Variants in RASA3 observed in about 807,000 individuals in gnomAD.
RASA3 encodes the protein RAS p21 protein activator 3.
RASA3 carries 73 observed loss-of-function variants against 110.0 expected under a neutral mutation model. The observed-to-expected ratio is 0.66, with a 90% CI of 0.55 to 0.81. RASA3 has a LOEUF of 0.81. Ranked by LOEUF, RASA3 falls within the 30% of genes least tolerant of loss-of-function variation. The pLI, the probability that RASA3 is intolerant of heterozygous loss-of-function variation, is 0.00. For missense variants in RASA3, 976 were observed against 1,113.2 expected (o/e 0.88, Z 1.75); for synonymous variants, 500 against 451.4 (o/e 1.11, Z -1.37).
chr13:114,040,709 G>A (rs546259937), intron 4 of RASA3, among the ~76,000 whole-genome samples: 7 of 142,518 alleles, frequency 4.9e-5, no homozygotes, highest in African/African-American at 7.9e-5. Context: ...ATCCACACGC[G>A]GAGCCCGCGC....
chr13:114,002,156 G>C (rs1250143197), intron 18 of RASA3, among the ~76,000 whole-genome samples: 1 of 152,262 alleles, frequency 6.6e-6, no homozygotes, highest in Non-Finnish European at 1.5e-5. Flanking sequence ...AGCTGAGGAC[G>C]AGAAGCCAAG....
chr13:114,077,289 C>T (rs552380044), intron 1 of RASA3, among the ~76,000 whole-genome samples: 44 of 152,242 alleles, frequency 2.9e-4, no homozygotes, highest in Admixed American at 2.5e-3. Flanking sequence ...AGATTCATCC[C>T]TCCCTGCCTG....
intron 21 of RASA3, among the ~76,000 whole-genome samples, chr13:113,995,497 G>C (rs1261857924): frequency 6.6e-6 from 1 of 152,264 alleles, no homozygotes; most frequent in African/African-American, 2.4e-5. Flanking sequence ...ACAGCGAGGT[G>C]CATCTCACGG....
intron 4 of RASA3, among the ~76,000 whole-genome samples, chr13:114,031,907 C>T (rs560197208): frequency 1.2e-4 from 18 of 152,246 alleles, no homozygotes; most frequent in Non-Finnish European, 2.1e-4. Context: ...CCCTGCAGCA[C>T]GTGGCCTGGT....
At chr13:114,076,777 A>T (rs2079692239) in intron 1 of RASA3, among the ~76,000 whole-genome samples, 1 of 151,454 alleles carries the variant, frequency 6.6e-6, no homozygotes, top group Non-Finnish European at 1.5e-5. Context: ...AGCAAGTCGG[A>T]CAGGGGCCCC....
chr13:114,063,868 C>CA (rs2079402668), intron 2 of RASA3, among the ~76,000 whole-genome samples: 1 of 152,156 alleles, frequency 6.6e-6, no homozygotes, highest in African/African-American at 2.4e-5. Context: ...AAACCGGTGG[C>CA]AAAAACCTGC....
At chr13:114,097,072 G>T (rs928716580) in intron 1 of RASA3, among the ~76,000 whole-genome samples, 18 of 152,194 alleles carry the variant, frequency 1.2e-4, no homozygotes, top group African/African-American at 4.1e-4. Flanking sequence ...CACTGAGGCT[G>T]TGGCACTTCC....
chr13:114,066,499 C>T (rs114448313), intron 2 of RASA3, among the ~76,000 whole-genome samples: 16,301 of 152,228 alleles, frequency 0.11, 1,150 homozygotes, highest in Middle Eastern at 0.17. Context: ...CCCCTCGTGA[C>T]AGGCCCAGCC....
chr13:114,081,365 C>A (rs770036639), intron 1 of RASA3, among the ~76,000 whole-genome samples: 1 of 152,212 alleles, frequency 6.6e-6, no homozygotes, highest in South Asian at 2.1e-4. Flanking sequence ...TCTCCCGATG[C>A]AGTATAACTC....
At chr13:114,108,243 ATGTCTGTCACCCTGCATCCGTCACCCCG>A (rs1466048865) in intron 1 of RASA3, among the ~76,000 whole-genome samples, 2 of 19,566 alleles carry the variant, frequency 1.0e-4, no homozygotes, top group African/African-American at 3.4e-4. Flanking sequence ...CTGTCACCCC[ATGTCTGTCACCCTGCATCCGTCACCCCG>A]TGTCTGTCAT....
intron 3 of RASA3, among the ~76,000 whole-genome samples, chr13:114,051,775 A>C (rs2079151167): frequency 6.6e-6 from 1 of 152,190 alleles, no homozygotes; most frequent in African/African-American, 2.4e-5. Context: ...AAGTTGTCTG[A>C]AGAGGGCCAG....
rs187019065 is a variant in RASA3 at position 114,011,046 on chromosome 13, C to T, written c.1590+125G>A. Reference sequence around the variant, plus strand: ...TGGGTTTCAAGAGAGGATGTGGTGCCGGCTTTGATTCTTGATCTTTATCTT... The same window carrying T: ...TGGGTTTCAAGAGAGGATGTGGTGCTGGCTTTGATTCTTGATCTTTATCTT... On this transcript the variant is annotated intron_variant, in intron 16 of 23. Coordinates refer to ENST00000334062, the MANE Select transcript of RASA3 (RefSeq NM_007368.4). The surrounding 1 kb of genome is among the most constrained non-coding windows in gnomAD (Gnocchi z 4.8). 5.5e-4 allele frequency: 502 copies of T among 915,778 alleles called. 8 individuals are homozygous for T. In the East Asian group the frequency reaches 0.012, roughly 21 times the overall value. 56.7% of individuals were successfully genotyped at this position (915,778 alleles called of 1,614,324 possible).
At position 114,115,815 on chromosome 13, in the gene RASA3, AC is replaced by A. The variant is rs1414330553; in HGVS notation, c.55+16619del. On this transcript the variant is annotated intron_variant, in intron 1 of 23. Transcript: ENST00000334062. The surrounding 1 kb of genome is among the most constrained non-coding windows in gnomAD (Gnocchi z 5.0). ...CTCAGTCTCCTGTAACGACGTTGCT[AC>A]AGATGTATGTGTTTGTGTGAAGCTG... is the stretch of plus-strand genomic sequence containing the variant. Among the ~76,000 whole-genome samples, 2 of 152,244 alleles carry A rather than the reference AC, an allele frequency of 1.3e-5. No individual in the cohort carries two copies. Among genetic ancestry groups the A allele is most frequent in the African/African-American group, 4.8e-5 (2 of 41,468 alleles).
chr13:114,124,998 G>A (rs974949480), intron 1 of RASA3, among the ~76,000 whole-genome samples: 6 of 152,120 alleles, frequency 3.9e-5, no homozygotes. Context: ...CATCCCACAG[G>A]TAATCCAATT....
In RASA3 at chr13:114,093,448, C is replaced by T. The variant is rs185618849; in HGVS notation, c.56-19611G>A. 4.1e-4 allele frequency among the ~76,000 whole-genome samples: 62 copies of T among 152,300 alleles called. 1 individual carries two copies. In the East Asian group the frequency reaches 0.011, roughly 27 times the overall value. On this transcript the variant is annotated intron_variant, in intron 1 of 23. Coordinates refer to ENST00000334062, the MANE Select transcript of RASA3 (RefSeq NM_007368.4). ...TGCTGCTAGGTATATTGGATCTCCC[C>T]AAAATGTTGTTTGCTTCTTTTCTCT... is the stretch of plus-strand genomic sequence containing the variant.
chr13:114,026,543 C>T (rs923799593), intron 7 of RASA3, among the ~76,000 whole-genome samples: 3 of 152,212 alleles, frequency 2.0e-5, no homozygotes, highest in Non-Finnish European at 2.9e-5. Context: ...CTCAGCAGTG[C>T]CAGTGGGTCC....
chr13:114,127,377 G>A (rs1314677251), intron 1 of RASA3, among the ~76,000 whole-genome samples: 1 of 152,192 alleles, frequency 6.6e-6, no homozygotes, highest in Non-Finnish European at 1.5e-5. Flanking sequence ...GGCTGGATGG[G>A]TGGCTGTGGC....
chr13:114,013,777 CCTCT>C (rs1351258341), intron 14 of RASA3, among the ~76,000 whole-genome samples: 7 of 119,196 alleles, frequency 5.9e-5, no homozygotes, highest in South Asian at 3.0e-4. Context: ...TGTCTCTCTC[CCTCT>C]CTGTCTCTCT....
At chr13:114,002,494 T>C (rs1244022106) in intron 18 of RASA3, among the ~76,000 whole-genome samples, 9 of 150,560 alleles carry the variant, frequency 6.0e-5, no homozygotes, top group Admixed American at 2.0e-4. Flanking sequence ...CAGACGGGGG[T>C]TGGGGGGGGA....
Sources: allele counts gnomAD v4.1 joint callset (sites outside exome capture counted in the v4.1 genomes callset), GRCh38; gene constraint gnomAD v4.1.1; non-coding constraint Gnocchi (gnomAD v3.1); transcripts MANE v1.5; gene names NCBI Gene and HGNC (gene_info 2026-07-23, HGNC 2026-07-21).